KCNH8: variants seen among roughly 807,000 people sequenced by gnomAD.
KCNH8 encodes the protein voltage-gated delayed rectifier potassium channel KCNH8.
KCNH8 carries 70 observed loss-of-function variants against 103.6 expected under a neutral mutation model. That is an observed-to-expected ratio of 0.68 (90% confidence interval 0.56 to 0.82). The LOEUF (loss-of-function observed/expected upper bound fraction) is 0.82, where lower values mean the gene tolerates loss of function less well. Among genes scored for constraint, KCNH8 ranks in the 40% least tolerant of loss-of-function variants. The probability of loss-of-function intolerance (pLI) is 0.00; values close to 1 mark genes in which losing one functional copy is unlikely to be tolerated. For synonymous variants in KCNH8, 498 were observed against 489.4 expected (o/e 1.02, Z -0.23); for missense variants, 1,217 against 1,329.9 (o/e 0.92, Z 1.32).
chr3:19,214,987 T>G (rs1405077935), intron 1 of KCNH8, among the ~76,000 whole-genome samples: 1 of 152,234 alleles, frequency 6.6e-6, no homozygotes, highest in Non-Finnish European at 1.5e-5. Context: ...GTGCCCACTG[T>G]TGCCATAGGT....
intron 1 of KCNH8, among the ~76,000 whole-genome samples, chr3:19,191,772 A>G (rs1324047906): frequency 6.6e-6 from 1 of 151,662 alleles, no homozygotes; most frequent in Non-Finnish European, 1.5e-5. Flanking sequence ...ACTTTTTATC[A>G]GGGTTCATCC....
intron 3 of KCNH8, among the ~76,000 whole-genome samples, chr3:19,309,431 T>A (rs936042065): frequency 6.6e-6 from 1 of 151,954 alleles, no homozygotes; most frequent in African/African-American, 2.4e-5. Flanking sequence ...TTTAAAAGGT[T>A]AAAATTTAGC....
intron 15 of KCNH8, among the ~76,000 whole-genome samples, chr3:19,523,055 T>A (rs540066885): frequency 6.6e-6 from 1 of 151,954 alleles, no homozygotes; most frequent in East Asian, 1.9e-4. Context: ...TGGGGTTGTT[T>A]CCTATAACAC....
At chr3:19,310,813 A>G (rs1459614132) in intron 3 of KCNH8, among the ~76,000 whole-genome samples, 2 of 151,920 alleles carry the variant, frequency 1.3e-5, no homozygotes, top group South Asian at 4.1e-4. Flanking sequence ...AACTATTCAT[A>G]ATAAAAGATG....
intron 11 of KCNH8, among the ~76,000 whole-genome samples, chr3:19,477,961 CTG>C (rs1412046119): frequency 6.6e-6 from 1 of 152,116 alleles, no homozygotes; most frequent in Admixed American, 6.6e-5. Flanking sequence ...TTATTCCACT[CTG>C]TATGTCCATG....
intron 1 of KCNH8, among the ~76,000 whole-genome samples, chr3:19,171,690 A>C (rs1169637213): frequency 1.3e-5 from 2 of 152,170 alleles, no homozygotes; most frequent in Non-Finnish European, 2.9e-5. Flanking sequence ...GACATTTTTT[A>C]AGGGAGCAAG....
At chr3:19,336,179 G>A (rs931518148) in intron 3 of KCNH8, among the ~76,000 whole-genome samples, 1 of 151,292 alleles carries the variant, frequency 6.6e-6, no homozygotes, top group Non-Finnish European at 1.5e-5. Context: ...TACATTTTAG[G>A]TATTAATTTT....
chr3:19,390,652 TC>T lies in KCNH8; in HGVS notation c.969+18del, dbSNP rs748065859. On this transcript the variant is annotated intron_variant, in intron 6 of 15. Transcript: ENST00000328405. Reference sequence around the variant, plus strand: ...AACGTCACAGTGGTGAGTAAAGAGCTCCCCGCCACATGGCCTTTAAGGTTGA... The same window carrying T: ...AACGTCACAGTGGTGAGTAAAGAGCTCCCGCCACATGGCCTTTAAGGTTGA... 7 of 1,604,158 alleles carry T rather than the reference TC, an allele frequency of 4.4e-6. No homozygotes were observed. Among genetic ancestry groups the T allele is most frequent in the African/African-American group, 2.7e-5 (2 of 74,396 alleles).
At chr3:19,371,429 T>C (rs1171200769) in intron 5 of KCNH8, among the ~76,000 whole-genome samples, 13 of 150,706 alleles carry the variant, frequency 8.6e-5, no homozygotes, top group African/African-American at 3.2e-4. Context: ...TGTCTGTTCA[T>C]GTCCTTCGCC....
chr3:19,173,395 G>C (rs933859350), intron 1 of KCNH8, among the ~76,000 whole-genome samples: 16 of 152,202 alleles, frequency 1.1e-4, no homozygotes, highest in Admixed American at 7.9e-4. Flanking sequence ...TATTTATTGA[G>C]TATCTGCTAT....
chr3:19,174,395 A>C (rs948631756), intron 1 of KCNH8, among the ~76,000 whole-genome samples: 5 of 152,234 alleles, frequency 3.3e-5, no homozygotes, highest in African/African-American at 9.6e-5. Flanking sequence ...AAAGGATCAT[A>C]CGGACGTCTT....
At chr3:19,337,632 G>A (rs2065601592) in intron 3 of KCNH8, among the ~76,000 whole-genome samples, 1 of 151,768 alleles carries the variant, frequency 6.6e-6, no homozygotes, top group South Asian at 2.1e-4. Context: ...AATCAACTAA[G>A]TGACAAAGCC....
chr3:19,176,708 CTATATTTCAGAATATTCT>C (rs933053869), intron 1 of KCNH8, among the ~76,000 whole-genome samples: 6 of 151,992 alleles, frequency 3.9e-5, no homozygotes, highest in African/African-American at 1.4e-4. Flanking sequence ...AATTTCATAA[CTATATTTCAGAATATTCT>C]ATTCCATTTA....
chr3:19,453,639 T>G (rs941198706), intron 10 of KCNH8, among the ~76,000 whole-genome samples: 5 of 152,020 alleles, frequency 3.3e-5, no homozygotes, highest in African/African-American at 1.2e-4. Flanking sequence ...GGTGAATAGG[T>G]GATGAGGGCA....
At chr3:19,392,402 T>C (rs936239419) in intron 6 of KCNH8, among the ~76,000 whole-genome samples, 13 of 151,592 alleles carry the variant, frequency 8.6e-5, no homozygotes, top group African/African-American at 1.2e-4. Flanking sequence ...AGTGAGCATA[T>C]GAGAATTTAA....
intron 1 of KCNH8, among the ~76,000 whole-genome samples, chr3:19,171,635 A>G (rs754283742): frequency 5.3e-5 from 8 of 152,194 alleles, no homozygotes; most frequent in Non-Finnish European, 1.0e-4. Context: ...TGATTACTAG[A>G]TCCACTTAAA....
In KCNH8 at chr3:19,433,986, G is replaced by A. The variant is rs558943305; in HGVS notation, c.1178-4178G>A. ...TGAAAAATTTATAGTTTAGTTAATAGTAATGTACCAATGTTAATTTTATAG... is the reference window on the plus strand; with the variant it reads ...TGAAAAATTTATAGTTTAGTTAATAATAATGTACCAATGTTAATTTTATAG... On this transcript the variant is annotated intron_variant, in intron 7 of 15. Transcript: ENST00000328405. Among the ~76,000 whole-genome samples, 8 of 152,270 alleles carry A rather than the reference G, an allele frequency of 5.3e-5. 1 individual carries two copies. Among genetic ancestry groups the A allele is most frequent in the African/African-American group, 1.7e-4 (7 of 41,560 alleles).
chr3:19,346,667 T>C (rs1460405788), intron 4 of KCNH8: 3 of 456,304 alleles, frequency 6.6e-6, no homozygotes, highest in Non-Finnish European at 4.4e-6. Flanking sequence ...TCAGGATCCC[T>C]GAACACATCA....
intron 5 of KCNH8, among the ~76,000 whole-genome samples, chr3:19,368,666 C>T (rs937412995): frequency 8.6e-5 from 13 of 151,862 alleles, no homozygotes; most frequent in Non-Finnish European, 1.6e-4. Context: ...TGAGCATAAA[C>T]GTGCTAGATA....
Sources: allele counts gnomAD v4.1 joint callset (sites outside exome capture counted in the v4.1 genomes callset), GRCh38; gene constraint gnomAD v4.1.1; transcripts MANE v1.5; gene names NCBI Gene and HGNC (gene_info 2026-07-23, HGNC 2026-07-21).